WDPCP: variants seen among roughly 807,000 people sequenced by gnomAD.
WDPCP encodes the protein WD repeat-containing and planar cell polarity effector protein fritz homolog.
A neutral mutation model predicts 93.1 loss-of-function variants in WDPCP; 71 were observed. That is an observed-to-expected ratio of 0.76 (90% CI 0.63 to 0.93). The LOEUF is 0.93. WDPCP is among the 40% of genes least tolerant of loss of function. The probability of loss-of-function intolerance (pLI) is 0.00; values close to 1 mark genes in which losing one functional copy is unlikely to be tolerated. For missense variants in WDPCP, 844 were observed against 887.4 expected (o/e 0.95, Z 0.62); for synonymous variants, 315 against 315.0 (o/e 1.00, Z 0.00).
At chr2:63,594,748 A>G (rs755882307) in intron 3 of WDPCP, 1 of 571,568 alleles carries the variant, frequency 1.7e-6, no homozygotes, top group Non-Finnish European at 3.1e-6. Context: ...AGGTATTTAT[A>G]TGTACGCCTC....
intron 4 of WDPCP, 32 bp downstream of exon 4, chr2:63,486,510 T>C (rs1700582673): frequency 6.5e-7 from 1 of 1,539,622 alleles, no homozygotes; most frequent in Non-Finnish European, 8.8e-7. Flanking sequence ...TACAGTTTTA[T>C]AATAATTCCA....
intron 12 of WDPCP, among the ~76,000 whole-genome samples, chr2:63,321,397 TGTGTGTGTG>T (rs1687076987): frequency 1.3e-4 from 1 of 7,924 alleles, no homozygotes; most frequent in African/African-American, 5.4e-3. Flanking sequence ...TGTGTGTGTG[TGTGTGTGTG>T]TGTGTGTGTG....
chr2:63,637,071 C>T lies in WDPCP; in HGVS notation n.488+13588G>A, dbSNP rs552109830. Reference sequence around the variant, plus strand: ...TAAAAGCAAAAACAAACAAGAGTGGCGGCTGGGCGCGGTAGCTCATGCCTG... The same window carrying T: ...TAAAAGCAAAAACAAACAAGAGTGGTGGCTGGGCGCGGTAGCTCATGCCTG... On this transcript the variant is annotated intron_variant and non_coding_transcript_variant, in intron 3 of 4. Transcript: ENST00000467687. Among the ~76,000 whole-genome samples, 7 of 152,054 alleles carry T rather than the reference C, an allele frequency of 4.6e-5. No homozygotes were observed. The South Asian group carries it at 6.2e-4, about 14-fold the overall frequency.
At chr2:63,123,493 A>T (rs1669684916) in intron 17 of WDPCP, among the ~76,000 whole-genome samples, 1 of 152,072 alleles carries the variant, frequency 6.6e-6, no homozygotes, top group Non-Finnish European at 1.5e-5. Context: ...TCATAGAATT[A>T]ACTTCTCAAG....
At chr2:63,510,476 T>C (rs187328552) in intron 1 of WDPCP, among the ~76,000 whole-genome samples, 1 of 152,278 alleles carries the variant, frequency 6.6e-6, no homozygotes, top group East Asian at 1.9e-4. Flanking sequence ...ACCAGTATCA[T>C]ACTGAATGGG....
rs1459337219 is a variant in WDPCP at position 63,193,216 on chromosome 2, C to T, written c.1916-18384G>A. Among the ~76,000 whole-genome samples the T allele has an allele frequency of 4.6e-5, 7 of 152,222 alleles. No homozygotes were observed. The East Asian group carries it at 7.7e-4, about 17-fold the overall frequency. On this transcript the variant is annotated intron_variant, in intron 14 of 17. Transcript: ENST00000272321. Reference sequence around the variant, plus strand: ...CTGATCTTGGAAACAATTTACGGAACCCCCAAACATAATCCTTTAATAAGC... The same window carrying T: ...CTGATCTTGGAAACAATTTACGGAATCCCCAAACATAATCCTTTAATAAGC...
chr2:63,779,716 T>A (rs866966088), intron 2 of WDPCP, among the ~76,000 whole-genome samples: 1 of 152,142 alleles, frequency 6.6e-6, no homozygotes, highest in African/African-American at 2.4e-5. Flanking sequence ...TGCTTTCCAT[T>A]CTTGAGTGCA....
At chr2:63,697,266 C>A (rs1668973788) in intron 2 of WDPCP, among the ~76,000 whole-genome samples, 1 of 152,062 alleles carries the variant, frequency 6.6e-6, no homozygotes, top group South Asian at 2.1e-4. Flanking sequence ...GAAGTAGGAG[C>A]CATTATTATC....
chr2:63,587,568 T>C (rs1708947950), intron 1 of WDPCP, among the ~76,000 whole-genome samples: 1 of 152,370 alleles, frequency 6.6e-6, no homozygotes. Context: ...TGTTATCTAA[T>C]AGAGATGTTT....
In WDPCP at chr2:63,588,462, G is replaced by A; in HGVS notation, c.-191C>T. The A allele has an allele frequency of 2.9e-6, 2 of 692,018 alleles. No homozygotes were observed. Among genetic ancestry groups the A allele is most frequent in the South Asian group, 3.2e-5 (2 of 62,722 alleles). The allele number at this position is 692,018 out of a possible 1,614,324, so 42.9% of individuals were successfully genotyped here. ...GCTTAGCAACCTGAGAAGCTGTCCG[G>A]TCGTCCCAACTTATCAATTCCCCCG... is the stretch of plus-strand genomic sequence containing the variant. On this transcript the variant is annotated 5_prime_UTR_variant, in exon 1 of 18. Coordinates refer to ENST00000272321, the MANE Select transcript of WDPCP (RefSeq NM_015910.7).
chr2:63,654,414 T>C (rs1710142165), intron 2 of WDPCP, among the ~76,000 whole-genome samples: 1 of 152,236 alleles, frequency 6.6e-6, no homozygotes, highest in African/African-American at 2.4e-5. Context: ...CATTTGTCAC[T>C]AATTGGAAGA....
At chr2:63,622,431 G>A (rs1709752539) in intron 3 of WDPCP, 1 of 1,613,920 alleles carries the variant, frequency 6.2e-7, no homozygotes, top group Non-Finnish European at 8.5e-7. Context: ...AAATAAGCTA[G>A]AGGAGACCCA....
chr2:63,717,625 C>A, intron 2 of WDPCP: 1 of 525,926 alleles, frequency 1.9e-6, no homozygotes. Flanking sequence ...GCCTAGTGAC[C>A]CCATGTTAAG....
upstream of WDPCP, among the ~76,000 whole-genome samples, chr2:63,831,841 G>A (rs1204114712): frequency 5.3e-5 from 8 of 152,266 alleles, no homozygotes; most frequent in East Asian, 1.5e-3. Context: ...ATTTGACAAG[G>A]AAAGTGATAA....
chr2:63,221,062 A>G (rs1574911932), intron 14 of WDPCP, among the ~76,000 whole-genome samples: 1 of 152,160 alleles, frequency 6.6e-6, no homozygotes, highest in African/African-American at 2.4e-5. Context: ...ATAGTATTCC[A>G]TGTTGTGTAT....
In WDPCP at chr2:63,722,658, G is replaced by GGT. The variant is rs1491496927; in HGVS notation, n.309-71821_309-71820insAC. Among the ~76,000 whole-genome samples the GGT allele has an allele frequency of 2.2e-4, 2 of 9,266 alleles. 1 individual carries two copies. Among genetic ancestry groups the GGT allele is most frequent in the Non-Finnish European group, 6.0e-4 (2 of 3,306 alleles). The allele number at this position is 9,266 out of a possible 152,430, so 6.1% of individuals were successfully genotyped here. The stretch of plus-strand genomic sequence containing the variant: ...CAGCCGCCCCGTCCGGGAGGGAGGT[G>GGT]GGGGGGGGTCAGCCCCCCGCCCGGC... On this transcript the variant is annotated intron_variant and non_coding_transcript_variant, in intron 2 of 4. Transcript: ENST00000467687.
chr2:63,583,185 A>C (rs1193867171), intron 1 of WDPCP, among the ~76,000 whole-genome samples: 1 of 152,212 alleles, frequency 6.6e-6, no homozygotes, highest in African/African-American at 2.4e-5. Context: ...ATCACTTGAA[A>C]ATACACTATG....
chr2:63,628,120 A>G (rs1001821080), intron 3 of WDPCP, among the ~76,000 whole-genome samples: 7 of 152,194 alleles, frequency 4.6e-5, no homozygotes, highest in Admixed American at 2.0e-4. Flanking sequence ...GGGCTGAGAA[A>G]GCTGAGGCAG....
At chr2:63,532,957 G>T (rs955905296) in intron 1 of WDPCP, among the ~76,000 whole-genome samples, 1 of 152,136 alleles carries the variant, frequency 6.6e-6, no homozygotes, top group Admixed American at 6.5e-5. Context: ...GCTGTATTCA[G>T]GAGACCCATC....
Sources: allele counts gnomAD v4.1 joint callset (sites outside exome capture counted in the v4.1 genomes callset), GRCh38; gene constraint gnomAD v4.1.1; transcripts MANE v1.5; gene names NCBI Gene and HGNC (gene_info 2026-07-23, HGNC 2026-07-21).